Variants in HSCB observed in about 807,000 individuals in gnomAD.
HSCB encodes iron-sulfur cluster co-chaperone protein HscB.
In HSCB, 23 loss-of-function variants were observed where a neutral mutation model predicts 31.3. That is an observed-to-expected ratio of 0.74 (90% CI 0.53 to 1.04). HSCB has a LOEUF of 1.04. Ranked by LOEUF, HSCB falls within the 50% of genes least tolerant of loss-of-function variation. HSCB has a pLI of 0.00. For missense variants in HSCB, 297 were observed against 288.1 expected (o/e 1.03, Z -0.22); for synonymous variants, 110 against 104.5 (o/e 1.05, Z -0.32).
intron 4 of HSCB, among the ~76,000 whole-genome samples, chr22:28,749,974 G>T (rs996663882): frequency 6.6e-6 from 1 of 152,050 alleles, no homozygotes; most frequent in Non-Finnish European, 1.5e-5. Context: ...TCTAGGCCAG[G>T]TTTGGTGTCT....
rs748876742 is a variant in HSCB at position 28,742,137 on chromosome 22, GT to G, written c.46del (p.Trp16GlyfsTer11). On this transcript the variant is annotated frameshift_variant, in exon 1 of 6. Transcript: ENST00000216027. LOFTEE classifies it high-confidence loss of function. Reference protein sequence around the residue: ...RAGALLRVWGFWPTGVPRRRP... With the variant: ...RAGALLRVWGXWPTGVPRRRP... ...CCGGGGCTTTGCTCCGGGTGTGGGG[GT>G]TTTGGCCGACAGGGGTTCCCAGAAG... is the stretch of plus-strand genomic sequence containing the variant. 1 of 1,612,446 alleles carries G rather than the reference GT, an allele frequency of 6.2e-7. No individual in the cohort carries two copies. The highest frequency in any genetic ancestry group is 1.7e-4 in the Middle Eastern group (1 of 6,060).
At chr22:28,746,763 G>A (rs1457625129) in intron 4 of HSCB, among the ~76,000 whole-genome samples, 1 of 152,130 alleles carries the variant, frequency 6.6e-6, no homozygotes, top group Non-Finnish European at 1.5e-5. Flanking sequence ...GCCAGGCATG[G>A]TGGTGCATGC....
At chr22:28,753,833 A>G (rs933128361) in intron 5 of HSCB, among the ~76,000 whole-genome samples, 1 of 147,338 alleles carries the variant, frequency 6.8e-6, no homozygotes, top group East Asian at 2.0e-4. Flanking sequence ...GGGAGACTCC[A>G]TCTCAAAAAA....
rs2146201236 is a variant in HSCB at position 28,742,254 on chromosome 22, G to C, written c.159G>C (p.Glu53Asp). The change falls in exon 1 of 6, where the codon GAG becomes GAC. Residue 53 changes from glutamate to aspartate, a missense_variant. Physicochemically the swap from Glu to Asp is conservative, Grantham distance 45. Coordinates refer to ENST00000216027, the MANE Select transcript of HSCB (RefSeq NM_172002.5). ...NCGGPWGPGR[E>D]DRFFCPQCRA... The stretch of plus-strand genomic sequence containing the variant: ...GCGGCCCATGGGGCCCCGGGCGGGA[G>C]GACAGGTTCTTCTGCCCACAGTGCC... The C allele has an allele frequency of 6.2e-7, 1 of 1,614,120 alleles. No individual in the cohort carries two copies. The highest frequency in any genetic ancestry group is 8.5e-7 in the Non-Finnish European group (1 of 1,180,030).
In HSCB at chr22:28,744,651, G is replaced by C. The variant is rs1156355695; in HGVS notation, c.370G>C (p.Val124Leu). Residue 124 changes from valine (V) to leucine (L), a missense_variant, in exon 3 of 6, where the codon GTG becomes CTG. Coordinates refer to ENST00000216027, the MANE Select transcript of HSCB (RefSeq NM_172002.5). Reference sequence around the variant, plus strand: ...CTTCTCAGAGAAGCATTCGACCCTGGTGAATGATGCCTATAAGACCCTCCT... The same window carrying C: ...CTTCTCAGAGAAGCATTCGACCCTGCTGAATGATGCCTATAAGACCCTCCT... ...KDFSEKHSTL[V>L]NDAYKTLLAP... is the part of the protein sequence containing the mutation. 6.2e-7 allele frequency: 1 copy of C among 1,614,006 alleles called. No homozygotes were observed. Among genetic ancestry groups the C allele is most frequent in the Non-Finnish European group, 8.5e-7 (1 of 1,179,872 alleles).
chr22:28,742,359 C>G (rs749036472), intron 1 of HSCB, 28 bp downstream of exon 1: 1 of 1,605,988 alleles, frequency 6.2e-7, no homozygotes, highest in Non-Finnish European at 8.5e-7. Flanking sequence ...GGGAAACGGG[C>G]CCGGGCGAGA....
At chr22:28,748,046 G>A (rs967103127) in intron 4 of HSCB, among the ~76,000 whole-genome samples, 1 of 152,152 alleles carries the variant, frequency 6.6e-6, no homozygotes, top group African/African-American at 2.4e-5. Context: ...TTAGCCGGGC[G>A]TGTTAGCACA....
chr22:28,742,260 G>T lies in HSCB; in HGVS notation c.165G>T (p.Arg55Ser), dbSNP rs771426718. Residue 55 changes from arginine (R) to serine (S), a missense_variant, in exon 1 of 6, where the codon AGG (arginine) becomes AGT (serine). By Grantham distance (110) the Arg-to-Ser change is moderately radical (BLOSUM62 -1). Transcript: ENST00000216027. ...CATGGGGCCCCGGGCGGGAGGACAGGTTCTTCTGCCCACAGTGCCGAGCGC... is the reference window on the plus strand; with the variant it reads ...CATGGGGCCCCGGGCGGGAGGACAGTTTCTTCTGCCCACAGTGCCGAGCGC... ...GGPWGPGRED[R>S]FFCPQCRALQ... 9 of 1,613,968 alleles carry T rather than the reference G, an allele frequency of 5.6e-6. No homozygotes were observed. The Middle Eastern group carries it at 4.9e-4, about 88-fold the overall frequency.
chr22:28,742,044 C>A lies in HSCB; in HGVS notation c.-52C>A. On this transcript the variant is annotated 5_prime_UTR_variant, in exon 1 of 6. Transcript: ENST00000216027. ...TCAGCAACATTAGTCTGGTTAGACG[C>A]TCTCTTTGCTTTTCCCCACGAGTGA... 2.6e-6 allele frequency: 4 copies of A among 1,551,354 alleles called. No individual in the cohort carries two copies. In the East Asian group the frequency reaches 7.1e-5, roughly 28 times the overall value.
chr22:28,753,626 G>A (rs1165772093), intron 5 of HSCB, among the ~76,000 whole-genome samples: 3 of 149,248 alleles, frequency 2.0e-5, no homozygotes, highest in African/African-American at 5.0e-5. Context: ...GTCATGAGGT[G>A]AGGAGATCGA....
chr22:28,752,315 C>A (rs1601401340), intron 5 of HSCB, among the ~76,000 whole-genome samples: 1 of 150,772 alleles, frequency 6.6e-6, no homozygotes, highest in East Asian at 2.0e-4. Context: ...CCTGTAATCC[C>A]AGCTACTAGG....
At position 28,743,967 on chromosome 22, in the gene HSCB, C is replaced by G. The variant is rs967871952; in HGVS notation, c.322C>G (p.Gln108Glu). The G allele has an allele frequency of 1.9e-6, 3 of 1,613,458 alleles. No individual in the cohort carries two copies. The African/African-American group carries it at 4.0e-5, about 22-fold the overall frequency. Residue 108 changes from glutamine (Q) to glutamate (E), a missense_variant, in exon 2 of 6, where the codon CAG becomes GAG. By Grantham distance (29) the Gln-to-Glu change is conservative. Coordinates refer to ENST00000216027, the MANE Select transcript of HSCB (RefSeq NM_172002.5). ...TCTTGTCCACCCAGATTTCTTCAGC[C>G]AGAGGTCTCAGGTAGCTTATTGGCC... The part of the protein sequence containing the change: ...QRLVHPDFFS[Q>E]RSQTEKDFSE...
chr22:28,744,035 T>A, intron 2 of HSCB, 57 bp downstream of exon 2: 1 of 1,280,214 alleles, frequency 7.8e-7, no homozygotes, highest in Non-Finnish European at 1.1e-6. Context: ...TGGGTGGCAG[T>A]AGCCTTGTGG....
intron 1 of HSCB, 94 bp from the exon 2 acceptor site, chr22:28,743,788 A>G: frequency 9.8e-7 from 1 of 1,015,746 alleles, no homozygotes; most frequent in Non-Finnish European, 1.5e-6. Context: ...CTTATATGTT[A>G]TTGCATCTTC....
intron 4 of HSCB, among the ~76,000 whole-genome samples, chr22:28,748,245 A>C (rs748198946): frequency 6.6e-6 from 1 of 152,168 alleles, no homozygotes; most frequent in African/African-American, 2.4e-5. Flanking sequence ...CCACTTGCAC[A>C]AGCGTAAATT....
chr22:28,754,942 C>A (rs1034883703), intron 5 of HSCB, among the ~76,000 whole-genome samples: 1 of 150,642 alleles, frequency 6.6e-6, no homozygotes, highest in Non-Finnish European at 1.5e-5. Context: ...ATTACAGGAG[C>A]CTGCCACCAC....
chr22:28,750,901 A>G (rs2030179397), intron 4 of HSCB, among the ~76,000 whole-genome samples: 2 of 145,462 alleles, frequency 1.4e-5, no homozygotes, highest in South Asian at 4.6e-4. Flanking sequence ...TGAAATGTCG[A>G]AGACCCAAAC....
intron 4 of HSCB, among the ~76,000 whole-genome samples, chr22:28,750,233 G>T (rs1488593145): frequency 9.2e-6 from 1 of 108,772 alleles, no homozygotes; most frequent in East Asian, 2.6e-4. Context: ...TGGGCAACAA[G>T]AGCGAAACTG....
chr22:28,757,150 TAAA>T lies in HSCB; in HGVS notation c.690_692del (p.Lys232del). 6.5e-7 allele frequency: 1 copy of T among 1,527,696 alleles called. No homozygotes were observed. Among genetic ancestry groups the T allele is most frequent in the Non-Finnish European group, 9.1e-7 (1 of 1,102,330 alleles). The allele number at this position is 1,527,696 out of a possible 1,614,324, so 94.6% of individuals were successfully genotyped here. On this transcript the variant is annotated inframe_deletion, in exon 6 of 6. Coordinates refer to ENST00000216027, the MANE Select transcript of HSCB (RefSeq NM_172002.5). Reference sequence around the variant, plus strand: ...TCAAATATAGAAGAAAAGATCAAGTTAAAGAAGATTCCCCTTTAATTGTGGATA... The same window carrying T: ...TCAAATATAGAAGAAAAGATCAAGTTGAAGATTCCCCTTTAATTGTGGATA...
Sources: gnomAD v4.1 joint callset for allele counts (sites outside exome capture counted in the v4.1 genomes callset) on GRCh38, gnomAD v4.1.1 for gene constraint, MANE v1.5 for transcripts, NCBI Gene and HGNC (gene_info 2026-07-23, HGNC 2026-07-21) for gene names.